The following ACTR1A variants were observed in gnomAD, a reference collection of about 807,000 sequenced individuals.
ACTR1A encodes alpha-centractin.
Under a neutral mutation model 50.7 loss-of-function variants are expected in ACTR1A, and 10 were observed. The ratio of observed to expected loss-of-function variants is 0.20; its 90% CI spans 0.12 to 0.33. The LOEUF is 0.33. ACTR1A is among the 10% of genes least tolerant of loss of function. The pLI is 1.00. For synonymous variants in ACTR1A, 177 were observed against 184.2 expected (o/e 0.96, Z 0.32); for missense variants, 253 against 491.7 (o/e 0.51, Z 4.59).
intron 4 of ACTR1A, among the ~76,000 whole-genome samples, chr10:102,487,424 C>T (rs2062174098): frequency 6.6e-6 from 1 of 151,944 alleles, no homozygotes; most frequent in Admixed American, 6.6e-5. Flanking sequence ...CACACACACA[C>T]ACAAAATTAG....
rs143841620 is a variant in ACTR1A, at chr10:102,479,360, C to T, written c.*1503G>A. 1.7e-3 allele frequency: 633 copies of T among 370,072 alleles called. 4 individuals carry two copies. Among genetic ancestry groups the T allele is most frequent in the African/African-American group, 0.012 (553 of 47,200 alleles). The allele number at this position is 370,072 out of a possible 1,614,324, so 22.9% of individuals were successfully genotyped here. On this transcript the variant is annotated 3_prime_UTR_variant, in exon 11 of 11. Transcript: ENST00000369905. The surrounding 1 kb of genome is among the most constrained non-coding windows in gnomAD (Gnocchi z 4.0). The stretch of plus-strand genomic sequence containing the variant: ...TGAGTTGGTTAAGCGCACTGCAGTC[C>T]GCGGGGCGCTACGTTGCTTTCACAC...
chr10:102,498,342 G>A (rs548914462), intron 1 of ACTR1A, among the ~76,000 whole-genome samples: 110 of 149,922 alleles, frequency 7.3e-4, no homozygotes, highest in African/African-American at 2.6e-3. Flanking sequence ...TTTTTTAAAG[G>A]GGGCTGAAGC....
intron 1 of ACTR1A, among the ~76,000 whole-genome samples, chr10:102,494,459 G>A (rs1198584915): frequency 1.4e-4 from 22 of 152,144 alleles, no homozygotes; most frequent in African/African-American, 4.3e-4. Flanking sequence ...GCGAAACCCC[G>A]TCTCTACAAA....
At chr10:102,492,470 T>C (rs910432710) in intron 1 of ACTR1A, among the ~76,000 whole-genome samples, 2 of 152,184 alleles carry the variant, frequency 1.3e-5, no homozygotes, top group Admixed American at 1.3e-4. Flanking sequence ...AGCCTTTTCC[T>C]GCTGCCTGTT....
rs1202993727 is a variant in ACTR1A at position 102,484,319 on chromosome 10, A to G, written c.498T>C (p.His166=). Residue 166 remains histidine (H), a synonymous_variant, in exon 6 of 11, where the codon CAT becomes CAC. Transcript: ENST00000369905. ...VVLDSGDGVT[H]AVPIYEGFAM... ...CAAAGCCCTCATAGATGGGCACAGC[A>G]TGGGTGACTCCATCCCCAGAATCCA... The G allele has an allele frequency of 1.2e-6, 2 of 1,614,190 alleles. No individual in the cohort carries two copies. The highest frequency in any genetic ancestry group is 8.5e-7 in the Non-Finnish European group (1 of 1,180,032).
intron 9 of ACTR1A, 44 bp from the exon 10 acceptor site, chr10:102,481,216 C>T (rs772464911): frequency 1.3e-5 from 20 of 1,539,168 alleles, no homozygotes; most frequent in Non-Finnish European, 1.7e-5. Flanking sequence ...TCCAGCCCTC[C>T]CGCTCCCTTT....
rs1191812187 is a variant in ACTR1A at position 102,482,352 on chromosome 10, C to T, written c.751-177G>A. 1 of 622,374 alleles carries T rather than the reference C, an allele frequency of 1.6e-6. No individual in the cohort carries two copies. Among genetic ancestry groups the T allele is most frequent in the Admixed American group, 2.9e-5 (1 of 33,956 alleles). 38.6% of individuals were successfully genotyped at this position (622,374 alleles called of 1,614,324 possible). On this transcript the variant is annotated intron_variant, in intron 7 of 10. Transcript: ENST00000369905. This position sits in a 1 kb window ranked among gnomAD's most constrained non-coding sequence, Gnocchi z 5.6. Reference sequence around the variant, plus strand: ...GGAACAAAGATAGGCCTCCTGGAAACTAGTGAGGGGAGGCTCCTATATTTC... The same window carrying T: ...GGAACAAAGATAGGCCTCCTGGAAATTAGTGAGGGGAGGCTCCTATATTTC...
chr10:102,491,595 G>C (rs1589963030), intron 1 of ACTR1A, among the ~76,000 whole-genome samples: 1 of 152,180 alleles, frequency 6.6e-6, no homozygotes, highest in Non-Finnish European at 1.5e-5. Context: ...CCACAGTCCT[G>C]CTGCTCCAAC....
At chr10:102,485,337 G>A (rs367807397) in intron 5 of ACTR1A, among the ~76,000 whole-genome samples, 2 of 152,228 alleles carry the variant, frequency 1.3e-5, no homozygotes, top group Admixed American at 6.5e-5. Flanking sequence ...TGGCTGCCTC[G>A]GCAGGCCCAG....
At chr10:102,493,002 A>AAAAAAAAAAAAAAAAAAAG in intron 1 of ACTR1A, among the ~76,000 whole-genome samples, 1 of 22,206 alleles carries the variant, frequency 4.5e-5, no homozygotes, top group Non-Finnish European at 1.0e-4. Flanking sequence ...ACTCCACCTC[A>AAAAAAAAAAAAAAAAAAAG]AAAAAAAAAA....
At chr10:102,495,800 G>A (rs1589964810) in intron 1 of ACTR1A, among the ~76,000 whole-genome samples, 1 of 125,342 alleles carries the variant, frequency 8.0e-6, no homozygotes, top group African/African-American at 3.0e-5. Context: ...TTGCTCTGTC[G>A]CCCAGGCTGG....
At chr10:102,501,306 C>G (rs2062250282) in intron 1 of ACTR1A, among the ~76,000 whole-genome samples, 1 of 152,216 alleles carries the variant, frequency 6.6e-6, no homozygotes, top group African/African-American at 2.4e-5. Flanking sequence ...CCTGCATACA[C>G]TGGGGATAGT....
intron 10 of ACTR1A, 21 bp from the exon 11 acceptor site, chr10:102,480,986 G>A (rs777785958): frequency 6.2e-6 from 10 of 1,600,460 alleles, no homozygotes; most frequent in Non-Finnish European, 8.6e-6. Flanking sequence ...GAAACCCAGA[G>A]GAACTGTGTG....
In ACTR1A at chr10:102,488,940, G is replaced by T; in HGVS notation, c.189+123C>A. 1.5e-6 allele frequency: 1 copy of T among 665,562 alleles called. No homozygotes were observed. The highest frequency in any genetic ancestry group is 2.3e-6 in the Non-Finnish European group (1 of 427,180). 41.2% of individuals were successfully genotyped at this position (665,562 alleles called of 1,614,324 possible). On this transcript the variant is annotated intron_variant, in intron 3 of 10. Coordinates refer to ENST00000369905, the MANE Select transcript of ACTR1A (RefSeq NM_005736.4). The surrounding 1 kb of genome is among the most constrained non-coding windows in gnomAD (Gnocchi z 4.4). The stretch of plus-strand genomic sequence containing the variant: ...CCTAGGATGAGAGAATCAAAAAGGA[G>T]ATTTTCAGAGAAAGTTGCCCCTTTT...
In ACTR1A at chr10:102,485,671, T is replaced by G. The variant is rs1160748256; in HGVS notation, c.378A>C (p.Glu126Asp). 1 of 1,614,118 alleles carries G rather than the reference T, an allele frequency of 6.2e-7. No homozygotes were observed. Among genetic ancestry groups the G allele is most frequent in the East Asian group, 2.2e-5 (1 of 44,886 alleles). Residue 126 changes from glutamate to aspartate, a missense_variant, in exon 5 of 11, where the codon GAA becomes GAC. Glu to Asp is a conservative substitution (Grantham distance 45). This residue lies in a region of ACTR1A where 96 missense variants were observed against 238.7 expected (regional missense o/e 0.40). Transcript: ENST00000369905. ...NPRKNRERAAEVFFETFNVPA... is the reference protein window; with the variant it reads ...NPRKNRERAADVFFETFNVPA... ...GCACATTGAAGGTCTCGAAGAAAAC[T>G]TCGGCAGCTCGTTCCCGGTTTTTTC...
intron 6 of ACTR1A, 86 bp from the exon 7 acceptor site, chr10:102,483,189 C>T (rs1207581840): frequency 6.8e-6 from 7 of 1,027,544 alleles, no homozygotes; most frequent in Admixed American, 3.4e-5. Flanking sequence ...TGCTGCTGCA[C>T]AAACCTGTCT....
intron 2 of ACTR1A, among the ~76,000 whole-genome samples, chr10:102,490,283 C>G (rs949318213): frequency 2.7e-5 from 4 of 150,866 alleles, no homozygotes; most frequent in African/African-American, 9.7e-5. Context: ...ATGTTAATCC[C>G]CAGCCTGGGT....
rs891589318 is a variant in ACTR1A, at chr10:102,480,400, C to T, written c.*463G>A. 3 of 181,184 alleles carry T rather than the reference C, an allele frequency of 1.7e-5. No individual in the cohort carries two copies. Among genetic ancestry groups the T allele is most frequent in the African/African-American group, 7.1e-5 (3 of 42,268 alleles). The allele number at this position is 181,184 out of a possible 1,614,324, so 11.2% of individuals were successfully genotyped here. On this transcript the variant is annotated 3_prime_UTR_variant, in exon 11 of 11. Coordinates refer to ENST00000369905, the MANE Select transcript of ACTR1A (RefSeq NM_005736.4). ...AGAACTCAACCCCAGTCCCAGTCCTCAGTGTGCAGTCAGGAGGCATCGATA... is the reference window on the plus strand; with the variant it reads ...AGAACTCAACCCCAGTCCCAGTCCTTAGTGTGCAGTCAGGAGGCATCGATA...
Position 102,482,919 on chromosome 10 carries a change from C to A in ACTR1A, c.750+92G>T. 9.2e-7 allele frequency: 1 copy of A among 1,081,112 alleles called. No individual in the cohort carries two copies. The highest frequency in any genetic ancestry group is 1.3e-5 in the South Asian group (1 of 78,122). 67.0% of individuals were successfully genotyped at this position (1,081,112 alleles called of 1,614,324 possible). A position where few individuals can be genotyped will look rare whatever the true frequency, so the allele number is the denominator to read the frequency against. ...ACAAGCTTGGTGTAAAGGGACTGGC[C>A]TGCCAGACTCCAGACCCTGATGGAG... On this transcript the variant is annotated intron_variant, in intron 7 of 10. Coordinates refer to ENST00000369905, the MANE Select transcript of ACTR1A (RefSeq NM_005736.4). This position sits in a 1 kb window ranked among gnomAD's most constrained non-coding sequence, Gnocchi z 5.6.
Sources: allele counts gnomAD v4.1 joint callset (sites outside exome capture counted in the v4.1 genomes callset), GRCh38; gene constraint gnomAD v4.1.1; regional missense constraint gnomAD v4.1.1; non-coding constraint Gnocchi (gnomAD v3.1); transcripts MANE v1.5; gene names NCBI Gene and HGNC (gene_info 2026-07-23, HGNC 2026-07-21).